Variants in MYO16 observed in about 807,000 individuals in gnomAD.
MYO16 encodes unconventional myosin-XVI.
In MYO16, 94 loss-of-function variants were observed where a neutral mutation model predicts 205.3. The ratio of observed to expected loss-of-function variants is 0.46; its 90% CI spans 0.39 to 0.54. The LOEUF (loss-of-function observed/expected upper bound fraction) is 0.54. Among genes scored for constraint, MYO16 ranks in the 20% least tolerant of loss-of-function variants. The pLI, the probability that MYO16 is intolerant of heterozygous loss-of-function variation, is 0.00. For missense variants in MYO16, 2,315 were observed against 2,387.5 expected (o/e 0.97, Z 0.63); for synonymous variants, 988 against 954.0 (o/e 1.04, Z -0.66).
At chr13:108,868,661 G>A (rs1014362721) in intron 12 of MYO16, among the ~76,000 whole-genome samples, 2 of 151,958 alleles carry the variant, frequency 1.3e-5, no homozygotes, top group Non-Finnish European at 2.9e-5. Flanking sequence ...GGTGGCTCAC[G>A]CCTGTAATCT....
intron 4 of MYO16, among the ~76,000 whole-genome samples, chr13:108,735,380 T>C (rs550978704): frequency 6.6e-6 from 1 of 151,962 alleles, no homozygotes; most frequent in African/African-American, 2.4e-5. Flanking sequence ...TCTGTCCTTG[T>C]GATAATTTGC....
rs771236788 is a variant in MYO16 at position 109,140,681 on chromosome 13, C to G, written c.4469C>G (p.Ala1490Gly). Residue 1490 changes from alanine (A) to glycine (G), a missense_variant, in exon 32 of 35, where the codon GCG (alanine) becomes GGG (glycine). Physicochemically the swap from Ala to Gly is moderately conservative, Grantham distance 60. Coordinates refer to ENST00000457511, the MANE Select transcript of MYO16 (RefSeq NM_001198950.3). This position sits in a 1 kb window ranked among gnomAD's most constrained non-coding sequence, Gnocchi z 8.0. The part of the protein sequence containing the change: ...PLLHRAPEDE[A>G]AGPPGDACDI... ...CTCCACCGCGCGCCGGAGGACGAGG[C>G]GGCGGGGCCCCCAGGGGACGCGTGC... 26 of 1,482,508 alleles carry G rather than the reference C, an allele frequency of 1.8e-5. No individual in the cohort carries two copies. In the East Asian group the frequency reaches 2.3e-4, roughly 13 times the overall value. The allele number at this position is 1,482,508 out of a possible 1,614,324, so 91.8% of individuals were successfully genotyped here.
At chr13:108,753,382 A>C (rs1332367094) in intron 4 of MYO16, among the ~76,000 whole-genome samples, 1 of 151,126 alleles carries the variant, frequency 6.6e-6, no homozygotes, top group African/African-American at 2.4e-5. Context: ...AAAAAAAAAA[A>C]AAAAAAAAAA....
At chr13:109,083,792 TGA>T (rs1237602484) in intron 27 of MYO16, among the ~76,000 whole-genome samples, 1 of 152,078 alleles carries the variant, frequency 6.6e-6, no homozygotes, top group Non-Finnish European at 1.5e-5. Context: ...CAGGACAGCA[TGA>T]GAGAGTTTTC....
At chr13:108,651,773 G>T (rs1881015669) in intron 1 of MYO16, among the ~76,000 whole-genome samples, 1 of 152,184 alleles carries the variant, frequency 6.6e-6, no homozygotes, top group South Asian at 2.1e-4. Flanking sequence ...AAGTGTTTAG[G>T]TGCAGGATTA....
At chr13:108,886,604 T>C in intron 13 of MYO16, 1 of 420,922 alleles carries the variant, frequency 2.4e-6, no homozygotes, top group Non-Finnish European at 4.8e-6. Flanking sequence ...CCCCCGTCCT[T>C]CCAGTGCGCA....
chr13:108,756,224 AAAAAATGCTCTTT>A (rs756679592), intron 4 of MYO16, among the ~76,000 whole-genome samples: 2 of 151,332 alleles, frequency 1.3e-5, no homozygotes, highest in Non-Finnish European at 3.0e-5. Flanking sequence ...TTTCAGTAGA[AAAAAATGCTCTTT>A]AAATATAAGA....
intron 34 of MYO16, among the ~76,000 whole-genome samples, chr13:109,201,268 C>A (rs1163121023): frequency 1.3e-5 from 2 of 152,086 alleles, no homozygotes; most frequent in African/African-American, 2.4e-5. Context: ...ATCACTTTGA[C>A]CACTTTCTAA....
intron 12 of MYO16, among the ~76,000 whole-genome samples, chr13:108,870,824 C>T (rs1879015359): frequency 6.6e-6 from 1 of 151,712 alleles, no homozygotes; most frequent in African/African-American, 2.4e-5. Context: ...ATAGATATAT[C>T]CTTGATTTCC....
chr13:108,606,062 C>G (rs1449745774), intron 1 of MYO16, among the ~76,000 whole-genome samples: 7 of 152,168 alleles, frequency 4.6e-5, no homozygotes, highest in Non-Finnish European at 8.8e-5. Flanking sequence ...TGGCATTTTT[C>G]CCCTGCCCTA....
At position 109,120,486 on chromosome 13, in the gene MYO16, A is replaced by G; in HGVS notation, c.3535+20A>G. The G allele has an allele frequency of 1.3e-6, 2 of 1,563,762 alleles. No individual in the cohort carries two copies. The highest frequency in any genetic ancestry group is 1.7e-6 in the Non-Finnish European group (2 of 1,145,138). ...AAAAAGGTAACATTTATATGCCAACATTTCTGAATTTATTTGAGTTGTGAA... is the reference window on the plus strand; with the variant it reads ...AAAAAGGTAACATTTATATGCCAACGTTTCTGAATTTATTTGAGTTGTGAA... On this transcript the variant is annotated intron_variant, in intron 29 of 34. Transcript: ENST00000457511.
chr13:109,169,035 CT>C (rs1320200847), intron 33 of MYO16, among the ~76,000 whole-genome samples: 1 of 152,166 alleles, frequency 6.6e-6, no homozygotes, highest in Non-Finnish European at 1.5e-5. Flanking sequence ...CCTTGCCACC[CT>C]TCTGAGTCTC....
At position 108,992,407 on chromosome 13, in the gene MYO16, AT is replaced by A; in HGVS notation, c.2406del (p.Phe802LeufsTer18). 1.9e-6 allele frequency: 3 copies of A among 1,610,226 alleles called. No individual in the cohort carries two copies. The highest frequency in any genetic ancestry group is 1.1e-5 in the South Asian group (1 of 90,888). ...MQTLDIGILDIFGFEEFQKNE... is the reference protein window; with the variant it reads ...MQTLDIGILDXFGFEEFQKNE... ...GACATTGGATATTGGAATATTGGAC[AT>A]TTTTGGTTTTGAAGAGTTTCAAAAG... On this transcript the variant is annotated frameshift_variant, in exon 21 of 35. Transcript: ENST00000457511. LOFTEE classifies it high-confidence loss of function.
Position 108,970,748 on chromosome 13 carries a change from A to G in MYO16, c.2369+5846A>G, listed in dbSNP as rs138935195. ...GCAATCCTCAAGACGTGTGAAATGC[A>G]TGTGTGTGTGCTGGTTGCTCCCACC... is the stretch of plus-strand genomic sequence containing the variant. On this transcript the variant is annotated intron_variant, in intron 20 of 34. Transcript: ENST00000457511. Among the ~76,000 whole-genome samples, 608 of 152,280 alleles carry G rather than the reference A, an allele frequency of 4.0e-3. 1 individual carries two copies. The highest frequency in any genetic ancestry group is 6.6e-3 in the Non-Finnish European group (452 of 68,018).
chr13:108,544,541 C>T, the MYO16 span, among the ~76,000 whole-genome samples: 1 of 152,114 alleles, frequency 6.6e-6, no homozygotes, highest in African/African-American at 2.4e-5. Context: ...TCCAATTATA[C>T]TCTTTCAGTT....
At chr13:108,780,232 G>A (rs1886257814) in intron 4 of MYO16, among the ~76,000 whole-genome samples, 1 of 152,056 alleles carries the variant, frequency 6.6e-6, no homozygotes, top group African/African-American at 2.4e-5. Flanking sequence ...ATATTAGAAT[G>A]AATTTGTGTA....
chr13:108,640,239 T>G (rs926525380), intron 1 of MYO16, among the ~76,000 whole-genome samples: 1 of 152,160 alleles, frequency 6.6e-6, no homozygotes, highest in African/African-American at 2.4e-5. Flanking sequence ...TAACACTGTT[T>G]CAAGAGGCAG....
chr13:108,598,322 C>G (rs75140535), intron 1 of MYO16, among the ~76,000 whole-genome samples: 8,822 of 81,044 alleles, frequency 0.11, 324 homozygotes, highest in Admixed American at 0.19. Context: ...GAGAGAGAGA[C>G]AGACAGACAG....
chr13:109,006,358 G>A (rs1383619637), intron 21 of MYO16, among the ~76,000 whole-genome samples: 1 of 152,100 alleles, frequency 6.6e-6, no homozygotes, highest in African/African-American at 2.4e-5. Flanking sequence ...TCCTGTCTCA[G>A]CCTCCTGAGT....
Sources: gnomAD v4.1 joint callset for allele counts (sites outside exome capture counted in the v4.1 genomes callset) on GRCh38, gnomAD v4.1.1 for gene constraint, Gnocchi (gnomAD v3.1) non-coding constraint, MANE v1.5 for transcripts, NCBI Gene and HGNC (gene_info 2026-07-23, HGNC 2026-07-21) for gene names.